Variants in TBC1D22A observed in about 807,000 individuals in gnomAD.
The protein encoded by TBC1D22A is putative GTPase activator.
In TBC1D22A, 38 loss-of-function variants were observed where a neutral mutation model predicts 60.2. The observed-to-expected ratio is 0.63, with a 90% confidence interval of 0.49 to 0.83. TBC1D22A has a LOEUF of 0.83. Among genes scored for constraint, TBC1D22A ranks in the 40% least tolerant of loss-of-function variants. The pLI is 0.00. For synonymous variants in TBC1D22A, 302 were observed against 281.7 expected (o/e 1.07, Z -0.72); for missense variants, 628 against 701.0 (o/e 0.90, Z 1.18).
chr22:46,921,951 A>G (rs2070782468), intron 8 of TBC1D22A, among the ~76,000 whole-genome samples: 3 of 152,216 alleles, frequency 2.0e-5, no homozygotes, highest in Admixed American at 2.0e-4. Context: ...CATCTTGGTC[A>G]TGAAATCTTT....
chr22:46,994,733 T>C (rs2075061074), intron 9 of TBC1D22A, among the ~76,000 whole-genome samples: 1 of 152,240 alleles, frequency 6.6e-6, no homozygotes, highest in African/African-American at 2.4e-5. Flanking sequence ...GCAGCTATAT[T>C]GTTCAACCGG....
At chr22:46,863,969 T>G (rs1427688859) in intron 4 of TBC1D22A, among the ~76,000 whole-genome samples, 1 of 152,136 alleles carries the variant, frequency 6.6e-6, no homozygotes, top group African/African-American at 2.4e-5. Flanking sequence ...TCTCGAGTTG[T>G]CCCTGGGCCC....
intron 10 of TBC1D22A, among the ~76,000 whole-genome samples, chr22:47,005,436 CCCTTATACACACAT>C (rs1362128918): frequency 1.3e-5 from 2 of 151,488 alleles, no homozygotes; most frequent in African/African-American, 4.9e-5. Context: ...ATAACACACA[CCCTTATACACACAT>C]GCCTATACAC....
At chr22:47,037,679 T>C (rs1488792149) in intron 11 of TBC1D22A, among the ~76,000 whole-genome samples, 2 of 152,206 alleles carry the variant, frequency 1.3e-5, no homozygotes, top group Non-Finnish European at 2.9e-5. Context: ...GCATGCTTTT[T>C]ATCTGAGAAG....
intron 8 of TBC1D22A, among the ~76,000 whole-genome samples, chr22:46,938,505 A>AT (rs59083403): frequency 0.44 from 66,492 of 149,978 alleles, 15,414 homozygotes; most frequent in African/African-American, 0.59. Context: ...TCTTAATGGT[A>AT]TTTTTTTTTA....
intron 7 of TBC1D22A, among the ~76,000 whole-genome samples, chr22:46,905,619 G>A (rs2069407801): frequency 6.6e-6 from 1 of 152,222 alleles, no homozygotes; most frequent in Non-Finnish European, 1.5e-5. Flanking sequence ...CGGGGCCTCT[G>A]GGGACTGAGC....
intron 7 of TBC1D22A, among the ~76,000 whole-genome samples, chr22:46,900,345 T>C (rs2068921237): frequency 6.6e-6 from 1 of 152,002 alleles, no homozygotes; most frequent in Non-Finnish European, 1.5e-5. Flanking sequence ...AGAGATGGGG[T>C]TTCACCATCT....
At chr22:47,022,215 C>G (rs112241313) in intron 10 of TBC1D22A, among the ~76,000 whole-genome samples, 2 of 152,194 alleles carry the variant, frequency 1.3e-5, no homozygotes, top group Non-Finnish European at 2.9e-5. Context: ...TGCTCTAGTT[C>G]ATGTTTTCAG....
chr22:46,865,733 A>G (rs977849120), intron 4 of TBC1D22A, among the ~76,000 whole-genome samples: 9 of 152,174 alleles, frequency 5.9e-5, no homozygotes, highest in Admixed American at 3.3e-4. Flanking sequence ...GGTTCCCCCA[A>G]TGCCCCCCCA....
At chr22:47,135,309 C>T (rs1483117979) in intron 12 of TBC1D22A, among the ~76,000 whole-genome samples, 2 of 152,190 alleles carry the variant, frequency 1.3e-5, no homozygotes, top group Non-Finnish European at 2.9e-5. Flanking sequence ...TTCGCTGATT[C>T]CTTCATTTAG....
rs138158673 is a variant in TBC1D22A at position 46,936,398 on chromosome 22, G to A, written c.1015+24210G>A. ...TCGTGGCTCCCCGCACAGCCTCCCT[G>A]CTGGGGAGCTTTCAGGATTCCTCCA... On this transcript the variant is annotated intron_variant, in intron 8 of 12. Transcript: ENST00000337137. 8.1e-3 allele frequency among the ~76,000 whole-genome samples: 1,228 copies of A among 152,288 alleles called. 13 individuals are homozygous for A. The highest frequency in any genetic ancestry group is 0.027 in the Middle Eastern group (8 of 294).
chr22:47,112,824 A>G (rs925303854), intron 12 of TBC1D22A, among the ~76,000 whole-genome samples: 1 of 152,138 alleles, frequency 6.6e-6, no homozygotes, highest in East Asian at 1.9e-4. Flanking sequence ...TCTCCCAGCC[A>G]TGGTCTGTAA....
intron 10 of TBC1D22A, among the ~76,000 whole-genome samples, chr22:47,008,943 T>A (rs1208900959): frequency 6.6e-6 from 1 of 152,176 alleles, no homozygotes; most frequent in Non-Finnish European, 1.5e-5. Context: ...AGATTTTGGT[T>A]TGGGGACTAG....
At chr22:47,079,816 T>A (rs113126287) in intron 11 of TBC1D22A, among the ~76,000 whole-genome samples, 34 of 152,382 alleles carry the variant, frequency 2.2e-4, no homozygotes, top group African/African-American at 7.7e-4. Flanking sequence ...ATGGATTAAA[T>A]ACTTCAATTA....
At chr22:47,034,115 G>C (rs966570819) in intron 10 of TBC1D22A, among the ~76,000 whole-genome samples, 33 of 150,944 alleles carry the variant, frequency 2.2e-4, no homozygotes, top group African/African-American at 7.2e-4. Flanking sequence ...TTTTGGTAGT[G>C]AAATTAGTTT....
intron 4 of TBC1D22A, among the ~76,000 whole-genome samples, chr22:46,858,876 C>A (rs1211683111): frequency 6.6e-6 from 1 of 152,208 alleles, no homozygotes; most frequent in Non-Finnish European, 1.5e-5. Flanking sequence ...ATGTGTGTTG[C>A]ACATGAGTGT....
At chr22:47,044,173 A>G (rs1176271512) in intron 11 of TBC1D22A, among the ~76,000 whole-genome samples, 6 of 152,076 alleles carry the variant, frequency 3.9e-5, no homozygotes, top group African/African-American at 1.4e-4. Context: ...CCTTCCCTGC[A>G]CCCTTCTGCT....
chr22:46,907,145 TGC>T (rs367694379), intron 7 of TBC1D22A, among the ~76,000 whole-genome samples: 1 of 152,062 alleles, frequency 6.6e-6, no homozygotes, highest in Non-Finnish European at 1.5e-5. Flanking sequence ...TGTGTGTGTG[TGC>T]GTGTGTTCTT....
At chr22:46,826,334 C>T (rs2086065085) in intron 4 of TBC1D22A, among the ~76,000 whole-genome samples, 1 of 152,212 alleles carries the variant, frequency 6.6e-6, no homozygotes, top group Admixed American at 6.5e-5. Flanking sequence ...CAAGTTTTTC[C>T]CATTAAACAC....
Sources: allele counts gnomAD v4.1 joint callset (sites outside exome capture counted in the v4.1 genomes callset), GRCh38; gene constraint gnomAD v4.1.1; transcripts MANE v1.5; gene names NCBI Gene and HGNC (gene_info 2026-07-23, HGNC 2026-07-21).